Variants in P4HB observed in about 807,000 individuals in gnomAD.
P4HB encodes the protein protein disulfide-isomerase.
P4HB carries 20 observed loss-of-function variants against 52.6 expected under a neutral mutation model. The ratio of observed to expected loss-of-function variants is 0.38; its 90% confidence interval spans 0.27 to 0.55. The LOEUF (loss-of-function observed/expected upper bound fraction) is 0.55. Ranked by LOEUF, P4HB falls within the 20% of genes least tolerant of loss-of-function variation. P4HB has a pLI of 0.74. For synonymous variants in P4HB, 296 were observed against 277.9 expected, an observed-to-expected ratio of 1.07 and a Z score of -0.65; for missense variants, 601 against 669.2, an observed-to-expected ratio of 0.90 and a Z score of 1.12.
At position 81,843,631 on chromosome 17, in the gene P4HB, C is replaced by T. The variant is rs11558887; in HGVS notation, c.*381G>A. 77 of 466,246 alleles carry T rather than the reference C, an allele frequency of 1.7e-4. No individual in the cohort carries two copies. Among genetic ancestry groups the T allele is most frequent in the Non-Finnish European group, 2.4e-4 (63 of 265,618 alleles). 28.9% of individuals were successfully genotyped at this position (466,246 alleles called of 1,614,324 possible). A position where few individuals can be genotyped will look rare whatever the true frequency, so the allele number is the denominator to read the frequency against. On this transcript the variant is annotated 3_prime_UTR_variant, in exon 11 of 11. Transcript: ENST00000331483. ...CAAGGTGGAACAAATACCCTGATGT[C>T]GAAAAATGTCTAAAAATCCCACAGA...
Position 81,855,352 on chromosome 17 carries a change from C to T in P4HB, c.487-73G>A, listed in dbSNP as rs148345851. Reference sequence around the variant, plus strand: ...AGCAGTAGGGCAGACCCTGTAGAGCCCAGGCCAGGGGGGACACGTGCAGAA... The same window carrying T: ...AGCAGTAGGGCAGACCCTGTAGAGCTCAGGCCAGGGGGGACACGTGCAGAA... On this transcript the variant is annotated intron_variant, in intron 3 of 10. Coordinates refer to ENST00000331483, the MANE Select transcript of P4HB (RefSeq NM_000918.4). The surrounding 1 kb of genome is among the most constrained non-coding windows in gnomAD (Gnocchi z 4.3). 22,898 of 1,604,906 alleles carry T rather than the reference C, an allele frequency of 0.014. 183 individuals carry two copies. The highest frequency in any genetic ancestry group is 0.017 in the Non-Finnish European group (19,930 of 1,173,554).
intron 4 of P4HB, among the ~76,000 whole-genome samples, chr17:81,852,058 C>G (rs947374481): frequency 6.6e-6 from 1 of 152,152 alleles, no homozygotes; most frequent in African/African-American, 2.4e-5. Flanking sequence ...TGGTGCACAC[C>G]TGTGGTCCCA....
chr17:81,857,172 G>T (rs1598271558), intron 2 of P4HB, among the ~76,000 whole-genome samples: 1 of 152,022 alleles, frequency 6.6e-6, no homozygotes, highest in Non-Finnish European at 1.5e-5. Context: ...TTTTTGAAAC[G>T]AAGTCTCACT....
At chr17:81,850,835 C>T (rs1203676589) in intron 4 of P4HB, among the ~76,000 whole-genome samples, 3 of 151,938 alleles carry the variant, frequency 2.0e-5, no homozygotes, top group Admixed American at 2.0e-4. Context: ...ACTATGTTGC[C>T]CAGGCTGGTC....
chr17:81,859,608 C>G, intron 1 of P4HB: 1 of 572,284 alleles, frequency 1.7e-6, no homozygotes, highest in South Asian at 2.1e-5. Flanking sequence ...CAACCAACAC[C>G]AGCCCCCACT....
chr17:81,847,120 G>A (rs748765274), intron 5 of P4HB, 48 bp from the exon 6 acceptor site: 13 of 1,611,680 alleles, frequency 8.1e-6, no homozygotes, highest in South Asian at 7.7e-5. Flanking sequence ...CACTATTAAT[G>A]CAGAAGATTC....
intron 4 of P4HB, among the ~76,000 whole-genome samples, chr17:81,851,497 G>A (rs933380205): frequency 6.6e-6 from 1 of 152,234 alleles, no homozygotes; most frequent in African/African-American, 2.4e-5. Context: ...AGGCGGGTAA[G>A]GAGAGGCAGA....
At chr17:81,851,695 G>A (rs980272583) in intron 4 of P4HB, among the ~76,000 whole-genome samples, 7 of 152,162 alleles carry the variant, frequency 4.6e-5, no homozygotes, top group East Asian at 1.9e-4. Context: ...AGTGTCAGGC[G>A]CCGCCTACAC....
At chr17:81,848,006 G>A (rs2038765857) in intron 4 of P4HB, among the ~76,000 whole-genome samples, 1 of 150,960 alleles carries the variant, frequency 6.6e-6, no homozygotes, top group Non-Finnish European at 1.5e-5. Context: ...CCGGATTCAA[G>A]CCATTCTCCT....
rs542274784 is a variant in P4HB, at chr17:81,855,060, C to G, written c.624+82G>C. The G allele has an allele frequency of 3.9e-5, 54 of 1,397,318 alleles. No individual in the cohort carries two copies. The African/African-American group carries it at 7.3e-4, about 19-fold the overall frequency. The allele number at this position is 1,397,318 out of a possible 1,614,324, so 86.6% of individuals were successfully genotyped here. A position where few individuals can be genotyped will look rare whatever the true frequency, so the allele number is the denominator to read the frequency against. On this transcript the variant is annotated intron_variant, in intron 4 of 10. Transcript: ENST00000331483. The surrounding 1 kb of genome is among the most constrained non-coding windows in gnomAD (Gnocchi z 4.3). ...GCCAAAGGTGCCAGGAGCAAGGTTC[C>G]CTTAACGATAAGGAGAGCAACGCCA... is the stretch of plus-strand genomic sequence containing the variant.
intron 4 of P4HB, among the ~76,000 whole-genome samples, chr17:81,850,626 G>A (rs2038815535): frequency 6.6e-6 from 1 of 151,602 alleles, no homozygotes; most frequent in Non-Finnish European, 1.5e-5. Context: ...TGGGATTATA[G>A]GCATGTGCCA....
At chr17:81,854,546 A>AG (rs2038883337) in intron 4 of P4HB, among the ~76,000 whole-genome samples, 1 of 138,122 alleles carries the variant, frequency 7.2e-6, no homozygotes, top group Admixed American at 7.3e-5. Flanking sequence ...CCTATCTCAA[A>AG]AAAAAAAAAG....
Position 81,847,248 on chromosome 17 carries a change from C to T in P4HB, c.724G>A (p.Glu242Lys), listed in dbSNP as rs758558506. ...NQLPLVIEFT[E>K]QTAPKIFGGE... ...GGGCTGCAGGGCAGCCGCACCTGCTCGGTGAACTCGATGACAAGGGGCAGC... is the reference window on the plus strand; with the variant it reads ...GGGCTGCAGGGCAGCCGCACCTGCTTGGTGAACTCGATGACAAGGGGCAGC... Residue 242 changes from glutamate (E) to lysine (K), a missense_variant, in exon 5 of 11, where the codon GAG becomes AAG. Transcript: ENST00000331483. The T allele has an allele frequency of 5.0e-6, 8 of 1,613,900 alleles. No individual in the cohort carries two copies. The highest frequency in any genetic ancestry group is 6.8e-6 in the Non-Finnish European group (8 of 1,179,910).
intron 4 of P4HB, among the ~76,000 whole-genome samples, chr17:81,851,214 G>T (rs924690161): frequency 6.6e-6 from 1 of 152,230 alleles, no homozygotes; most frequent in Admixed American, 6.5e-5. Flanking sequence ...ACAGGCATGA[G>T]CCCCTGCACC....
chr17:81,855,247 C>T lies in P4HB; in HGVS notation c.519G>A (p.Leu173=). Residue 173 remains leucine, a synonymous_variant, in exon 4 of 11, where the codon TTG becomes TTA. Transcript: ENST00000331483. This position sits in a 1 kb window ranked among gnomAD's most constrained non-coding sequence, Gnocchi z 4.3. ...DVESDSAKQF[L]QAAEAIDDIP... is the part of the protein sequence containing the mutation. ...TGTCATCGATGGCCTCTGCTGCCTG[C>T]AAAAACTGCTTGGCAGAGTCCGACT... 1 of 1,613,952 alleles carries T rather than the reference C, an allele frequency of 6.2e-7. No homozygotes were observed. Among genetic ancestry groups the T allele is most frequent in the South Asian group, 1.1e-5 (1 of 91,082 alleles).
Position 81,854,323 on chromosome 17 carries a change from G to A in P4HB, c.624+819C>T, listed in dbSNP as rs193120794. Among the ~76,000 whole-genome samples, 70 of 151,848 alleles carry A rather than the reference G, an allele frequency of 4.6e-4. No individual in the cohort carries two copies. In the East Asian group the frequency reaches 0.013, roughly 28 times the overall value. Reference sequence around the variant, plus strand: ...GGAGGCTGAGGCAGGCAGACCACTCGGAGCTCAGGAGTTCAAGACCAGCCT... The same window carrying A: ...GGAGGCTGAGGCAGGCAGACCACTCAGAGCTCAGGAGTTCAAGACCAGCCT... On this transcript the variant is annotated intron_variant, in intron 4 of 10. Coordinates refer to ENST00000331483, the MANE Select transcript of P4HB (RefSeq NM_000918.4).
At chr17:81,845,523 C>T (rs756085764) in intron 9 of P4HB, 38 bp downstream of exon 9, 1 of 1,540,922 alleles carries the variant, frequency 6.5e-7, no homozygotes, top group Admixed American at 1.9e-5. Flanking sequence ...CTGCTCTTCC[C>T]AGAGCCCGCC....
chr17:81,847,741 G>A, intron 4 of P4HB: 1 of 210,002 alleles, frequency 4.8e-6, no homozygotes, highest in Non-Finnish European at 1.0e-5. Context: ...GCAGTGGCAT[G>A]ATCTTGGCTC....
chr17:81,854,745 G>A (rs923086824), intron 4 of P4HB, among the ~76,000 whole-genome samples: 2 of 151,888 alleles, frequency 1.3e-5, no homozygotes, highest in Non-Finnish European at 2.9e-5. Flanking sequence ...GGGAGGCCGA[G>A]GCAGGAGAAT....
Sources: gnomAD v4.1 joint callset for allele counts (sites outside exome capture counted in the v4.1 genomes callset) on GRCh38, gnomAD v4.1.1 for gene constraint, Gnocchi (gnomAD v3.1) non-coding constraint, MANE v1.5 for transcripts, NCBI Gene and HGNC (gene_info 2026-07-23, HGNC 2026-07-21) for gene names.